PELI2: variants seen among roughly 807,000 people sequenced by gnomAD.
PELI2 encodes the protein E3 ubiquitin-protein ligase pellino homolog 2.
A neutral mutation model predicts 42.3 loss-of-function variants in PELI2; 23 were observed. The ratio of observed to expected loss-of-function variants is 0.54; its 90% CI spans 0.39 to 0.77. PELI2 has a LOEUF of 0.77. PELI2 is among the 30% of genes least tolerant of loss of function. The probability of loss-of-function intolerance (pLI) is 0.00; values close to 1 mark genes in which losing one functional copy is unlikely to be tolerated. For missense variants in PELI2, 463 were observed against 553.2 expected (o/e 0.84, Z 1.64); for synonymous variants, 245 against 212.2 (o/e 1.15, Z -1.34).
chr14:56,231,432 T>C (rs939832886), intron 2 of PELI2, among the ~76,000 whole-genome samples: 4 of 152,152 alleles, frequency 2.6e-5, no homozygotes, highest in Non-Finnish European at 4.4e-5. Context: ...TGCAATCAAA[T>C]TAGAACTCAG....
chr14:56,173,611 C>T (rs903543499), intron 1 of PELI2, among the ~76,000 whole-genome samples: 11 of 152,186 alleles, frequency 7.2e-5, no homozygotes, highest in Middle Eastern at 3.4e-3. Flanking sequence ...ATCAAGGTGT[C>T]GGCAGGGCCC....
At position 56,288,192 on chromosome 14, in the gene PELI2, A is replaced by G. The variant is rs186567983; in HGVS notation, c.310-245A>G. Among the ~76,000 whole-genome samples, 3 of 152,308 alleles carry G rather than the reference A, an allele frequency of 2.0e-5. No homozygotes were observed. The East Asian group carries it at 5.8e-4, about 29-fold the overall frequency. On this transcript the variant is annotated intron_variant, in intron 3 of 5. Transcript: ENST00000267460. This position sits in a 1 kb window ranked among gnomAD's most constrained non-coding sequence, Gnocchi z 4.6. Reference sequence around the variant, plus strand: ...TGTGCTCAAATATTTCAGAGGATACATCTCATATTATATTCTTAGCACAAT... The same window carrying G: ...TGTGCTCAAATATTTCAGAGGATACGTCTCATATTATATTCTTAGCACAAT...
At chr14:56,270,280 C>A (rs1006510419) in intron 2 of PELI2, among the ~76,000 whole-genome samples, 1 of 152,182 alleles carries the variant, frequency 6.6e-6, no homozygotes. Flanking sequence ...TTATCGTGGC[C>A]ATGGTTCCGG....
At chr14:56,291,346 G>A (rs967686465) in intron 5 of PELI2, among the ~76,000 whole-genome samples, 1 of 152,120 alleles carries the variant, frequency 6.6e-6, no homozygotes, top group Non-Finnish European at 1.5e-5. Flanking sequence ...TGTCTAAGAT[G>A]GAAAAAGAAG....
chr14:56,140,706 T>C (rs973838158), intron 1 of PELI2, among the ~76,000 whole-genome samples: 5 of 152,220 alleles, frequency 3.3e-5, no homozygotes, highest in Non-Finnish European at 7.3e-5. Flanking sequence ...AGTTTTTAAC[T>C]TTATCCCAAG....
chr14:56,248,967 T>C (rs1358002754), intron 2 of PELI2, among the ~76,000 whole-genome samples: 5 of 152,144 alleles, frequency 3.3e-5, no homozygotes, highest in Non-Finnish European at 5.9e-5. Context: ...ATGCACATCT[T>C]CTCTCCCAGT....
intron 1 of PELI2, among the ~76,000 whole-genome samples, chr14:56,132,826 T>C (rs929667907): frequency 6.6e-6 from 1 of 152,192 alleles, no homozygotes; most frequent in African/African-American, 2.4e-5. Flanking sequence ...ACCCCAGTTT[T>C]CCCTAGGTTA....
At chr14:56,275,196 G>A (rs996495407) in intron 2 of PELI2, among the ~76,000 whole-genome samples, 1 of 152,178 alleles carries the variant, frequency 6.6e-6, no homozygotes, top group Admixed American at 6.5e-5. Flanking sequence ...TGAGAACAGA[G>A]GTGGCGACCT....
At chr14:56,239,463 T>C (rs1887902195) in intron 2 of PELI2, among the ~76,000 whole-genome samples, 1 of 152,240 alleles carries the variant, frequency 6.6e-6, no homozygotes, top group Non-Finnish European at 1.5e-5. Context: ...TAAGTAGGTA[T>C]GTTGTATAAT....
At chr14:56,256,301 T>G (rs1888525345) in intron 2 of PELI2, among the ~76,000 whole-genome samples, 1 of 151,920 alleles carries the variant, frequency 6.6e-6, no homozygotes, top group Admixed American at 6.6e-5. Flanking sequence ...CTGGGCATGG[T>G]GGTGCACACT....
intron 2 of PELI2, among the ~76,000 whole-genome samples, chr14:56,254,610 G>T (rs368764873): frequency 2.0e-5 from 3 of 152,090 alleles, no homozygotes; most frequent in Non-Finnish European, 2.9e-5. Context: ...AACAACAAAA[G>T]CAATGGCAAC....
At chr14:56,160,017 T>G (rs542650693) in intron 1 of PELI2, among the ~76,000 whole-genome samples, 1 of 152,282 alleles carries the variant, frequency 6.6e-6, no homozygotes, top group South Asian at 2.1e-4. Flanking sequence ...CTTTGTTTTT[T>G]TTTTTTTTAG....
chr14:56,127,715 A>G (rs1461119972), intron 1 of PELI2, among the ~76,000 whole-genome samples: 1 of 152,224 alleles, frequency 6.6e-6, no homozygotes, highest in Non-Finnish European at 1.5e-5. Flanking sequence ...CATAGAAAGA[A>G]AATGAAAACA....
chr14:56,218,702 C>CGTGTGTGTGTGT (rs111825772), intron 2 of PELI2, among the ~76,000 whole-genome samples: 5 of 149,802 alleles, frequency 3.3e-5, no homozygotes, highest in African/African-American at 1.2e-4. Flanking sequence ...CACATGTGTG[C>CGTGTGTGTGTGT]GTGTGTGTGT....
chr14:56,197,916 G>GACACAC lies in PELI2; in HGVS notation c.207+19479_207+19484dup, dbSNP rs55861626. Among the ~76,000 whole-genome samples the GACACAC allele has an allele frequency of 1.4e-5, 2 of 138,172 alleles. No individual in the cohort carries two copies. The highest frequency in any genetic ancestry group is 2.8e-5 in the African/African-American group (1 of 35,666). 90.6% of individuals were successfully genotyped at this position (138,172 alleles called of 152,430 possible). A position where few individuals can be genotyped will look rare whatever the true frequency, so the allele number is the denominator to read the frequency against. On this transcript the variant is annotated intron_variant, in intron 2 of 5. Coordinates refer to ENST00000267460, the MANE Select transcript of PELI2 (RefSeq NM_021255.3). This position sits in a 1 kb window ranked among gnomAD's most constrained non-coding sequence, Gnocchi z 4.9. ...CACACCAGGAATGGTGACTGGTGAA[G>GACACAC]ACACACACACACACACACACACACA... is the stretch of plus-strand genomic sequence containing the variant.
chr14:56,118,971 G>GGAGGAAGTGGCC (rs1882957491), intron 1 of PELI2: 1 of 249,712 alleles, frequency 4.0e-6, no homozygotes. Flanking sequence ...AGGACGCGGC[G>GGAGGAAGTGGCC]GAGGAAGTGG....
chr14:56,293,980 G>A lies in PELI2; in HGVS notation c.697-2620G>A, dbSNP rs148552916. On this transcript the variant is annotated intron_variant, in intron 5 of 5. Transcript: ENST00000267460. The stretch of plus-strand genomic sequence containing the variant: ...GAGGCCTCCTCTGAGAATTGCCTGT[G>A]GTCAGCAAGGTCAGGAGCCTCACGT... Among the ~76,000 whole-genome samples, 191 of 152,212 alleles carry A rather than the reference G, an allele frequency of 1.3e-3. 1 individual carries two copies. The highest frequency in any genetic ancestry group is 4.5e-3 in the African/African-American group (187 of 41,534).
chr14:56,217,296 C>A lies in PELI2; in HGVS notation c.207+38832C>A, dbSNP rs555204427. Among the ~76,000 whole-genome samples the A allele has an allele frequency of 1.1e-4, 16 of 152,356 alleles. No homozygotes were observed. In the South Asian group the frequency reaches 3.3e-3, roughly 32 times the overall value. ...CCAGCGCCCCTGCCCCCTCCACCTCCTGGCAGGCCTGTGGGCAGATCCTGT... is the reference window on the plus strand; with the variant it reads ...CCAGCGCCCCTGCCCCCTCCACCTCATGGCAGGCCTGTGGGCAGATCCTGT... On this transcript the variant is annotated intron_variant, in intron 2 of 5. Transcript: ENST00000267460.
intron 2 of PELI2, among the ~76,000 whole-genome samples, chr14:56,203,285 A>G (rs947857080): frequency 1.2e-4 from 18 of 152,186 alleles, no homozygotes; most frequent in African/African-American, 4.1e-4. Flanking sequence ...GGTTGCAGTG[A>G]GCCAAAATCG....
Sources: gnomAD v4.1 joint callset for allele counts (sites outside exome capture counted in the v4.1 genomes callset) on GRCh38, gnomAD v4.1.1 for gene constraint, Gnocchi (gnomAD v3.1) non-coding constraint, MANE v1.5 for transcripts, NCBI Gene and HGNC (gene_info 2026-07-23, HGNC 2026-07-21) for gene names.